CATSPER3: variants seen among roughly 807,000 people sequenced by gnomAD.
The protein encoded by CATSPER3 is cation channel sperm-associated protein 3.
A neutral mutation model predicts 36.6 loss-of-function variants in CATSPER3; 23 were observed. The observed-to-expected ratio is 0.63, with a 90% CI of 0.45 to 0.89. The LOEUF is 0.89. Among genes scored for constraint, CATSPER3 ranks in the 40% least tolerant of loss-of-function variants. The pLI is 0.00. For missense variants in CATSPER3, 474 were observed against 503.9 expected (o/e 0.94, Z 0.57); for synonymous variants, 172 against 184.1 (o/e 0.93, Z 0.53).
At position 135,008,845 on chromosome 5, in the gene CATSPER3, ATGGC is replaced by A. The variant is rs746396647; in HGVS notation, c.684_687del (p.Trp229GlnfsTer14). The A allele has an allele frequency of 5.6e-6, 9 of 1,614,002 alleles. No homozygotes were observed. In the Admixed American group the frequency reaches 8.3e-5, roughly 15 times the overall value. On this transcript the variant is annotated frameshift_variant, in exon 5 of 8. Coordinates refer to ENST00000282611, the MANE Select transcript of CATSPER3 (RefSeq NM_178019.3). LOFTEE classifies it high-confidence loss of function. ...TACTCTTCCCTGCCTGAGCAGGTTG[ATGGC>A]TGGACAGACCTGCAGAAGCAGTTGG...
chr5:134,990,987 AT>A (rs1285291507), intron 2 of CATSPER3, among the ~76,000 whole-genome samples: 2 of 152,232 alleles, frequency 1.3e-5, no homozygotes, highest in Non-Finnish European at 2.9e-5. Flanking sequence ...AATCAATTGT[AT>A]TTCTATGCAC....
At chr5:135,004,155 A>T (rs1206230131) in intron 3 of CATSPER3, among the ~76,000 whole-genome samples, 1 of 152,152 alleles carries the variant, frequency 6.6e-6, no homozygotes. Flanking sequence ...CCAAGTCATA[A>T]ATTTGACTGT....
At chr5:134,970,864 G>A (rs953932933) in intron 2 of CATSPER3, among the ~76,000 whole-genome samples, 7 of 152,086 alleles carry the variant, frequency 4.6e-5, no homozygotes, top group Non-Finnish European at 5.9e-5. Flanking sequence ...GAGCCATCGC[G>A]CCTGGCCAGT....
chr5:134,998,607 C>T (rs1396730313), intron 3 of CATSPER3, among the ~76,000 whole-genome samples: 2 of 152,168 alleles, frequency 1.3e-5, no homozygotes, highest in African/African-American at 4.8e-5. Context: ...TTAATAATCG[C>T]CATTCTAACT....
chr5:134,997,729 C>G (rs150217998), intron 3 of CATSPER3, among the ~76,000 whole-genome samples: 63 of 152,298 alleles, frequency 4.1e-4, no homozygotes, highest in African/African-American at 1.4e-3. Context: ...CACATTCTCT[C>G]TGGGTGATCT....
At chr5:134,968,702 AAAAG>A (rs1328318092) in intron 1 of CATSPER3, 5 of 152,122 alleles carry the variant, frequency 3.3e-5, no homozygotes, top group Middle Eastern at 3.4e-3. Flanking sequence ...GAAAAAAAAA[AAAAG>A]AAAAGGAAAA....
At chr5:134,999,636 G>A (rs934848762) in intron 3 of CATSPER3, among the ~76,000 whole-genome samples, 17 of 152,192 alleles carry the variant, frequency 1.1e-4, no homozygotes, top group East Asian at 3.8e-4. Context: ...TCCCTTGTAA[G>A]TTGGATTTCT....
At chr5:134,997,912 C>CT (rs1561462741) in intron 3 of CATSPER3, among the ~76,000 whole-genome samples, 3 of 152,128 alleles carry the variant, frequency 2.0e-5, no homozygotes, top group African/African-American at 4.8e-5. Flanking sequence ...TCCAGTATTT[C>CT]TTTTTTTTGT....
chr5:134,991,255 A>G (rs1054859503), intron 2 of CATSPER3, among the ~76,000 whole-genome samples: 1 of 152,230 alleles, frequency 6.6e-6, no homozygotes, highest in African/African-American at 2.4e-5. Context: ...CAAAATTCCA[A>G]TAGTGTTTTT....
At chr5:135,007,210 A>C (rs934802806) in intron 3 of CATSPER3, among the ~76,000 whole-genome samples, 2 of 152,210 alleles carry the variant, frequency 1.3e-5, no homozygotes, top group African/African-American at 4.8e-5. Context: ...ACCCTGGCCA[A>C]GACAATTTGC....
chr5:135,011,611 G>A lies in CATSPER3; in HGVS notation c.1185G>A (p.Val395=), dbSNP rs1752181106. ...AGAAGCCCCAGTCCTTGGAAAAGGT[G>A]GATGAGAAGTAGCTGGGCATGGGGC... The part of the protein sequence containing the change: ...PQEKPQSLEK[V]DEK Residue 395 remains valine, a synonymous_variant, in exon 8 of 8, where the codon GTG becomes GTA. Transcript: ENST00000282611. 2 of 1,613,186 alleles carry A rather than the reference G, an allele frequency of 1.2e-6. No individual in the cohort carries two copies. Among genetic ancestry groups the A allele is most frequent in the Admixed American group, 1.7e-5 (1 of 59,982 alleles).
chr5:135,010,346 GCT>G (rs1202878840), intron 6 of CATSPER3, 25 bp from the exon 7 acceptor site: 1 of 1,609,418 alleles, frequency 6.2e-7, no homozygotes, highest in Non-Finnish European at 8.5e-7. Flanking sequence ...CCTCATCACT[GCT>G]CTCTCGTTAT....
intron 2 of CATSPER3, among the ~76,000 whole-genome samples, chr5:134,973,379 A>G (rs1034200193): frequency 6.6e-6 from 1 of 152,218 alleles, no homozygotes; most frequent in African/African-American, 2.4e-5. Context: ...TGGCAACAGT[A>G]TTAGTAGTGT....
At chr5:134,974,710 G>T (rs1459485416) in intron 2 of CATSPER3, among the ~76,000 whole-genome samples, 1 of 152,216 alleles carries the variant, frequency 6.6e-6, no homozygotes, top group Non-Finnish European at 1.5e-5. Context: ...ATCAGAGGCA[G>T]TCGAGGTGGT....
chr5:135,006,393 T>C (rs559287370), intron 3 of CATSPER3, among the ~76,000 whole-genome samples: 1 of 152,312 alleles, frequency 6.6e-6, no homozygotes, highest in South Asian at 2.1e-4. Context: ...GGCTTTGGAT[T>C]CTACCACCCA....
chr5:134,977,023 C>G (rs1580903260), intron 2 of CATSPER3, among the ~76,000 whole-genome samples: 1 of 152,340 alleles, frequency 6.6e-6, no homozygotes, highest in South Asian at 2.1e-4. Context: ...CTCTTAGGCC[C>G]CTGGGCCTGT....
At chr5:134,994,264 C>G (rs941607255) in intron 2 of CATSPER3, among the ~76,000 whole-genome samples, 2 of 152,140 alleles carry the variant, frequency 1.3e-5, no homozygotes, top group African/African-American at 4.8e-5. Flanking sequence ...AAAGACAAAA[C>G]AATCCAGCAG....
Position 134,996,381 on chromosome 5 carries a change from A to G in CATSPER3, c.361A>G (p.Ile121Val), listed in dbSNP as rs376472509. Residue 121 changes from isoleucine (I) to valine (V), a missense_variant, in exon 3 of 8, where the codon ATT (isoleucine) becomes GTT (valine). By Grantham distance (29) the Ile-to-Val change is conservative (BLOSUM62 3). Transcript: ENST00000282611. ...KNGYNLLDVI[I>V]IIVMFLPYAL... ...CGGCTACAACCTGCTGGATGTGATC[A>G]TTATCATCGTTATGTTTTTACCCTA... 2 of 1,614,122 alleles carry G rather than the reference A, an allele frequency of 1.2e-6. No homozygotes were observed. The highest frequency in any genetic ancestry group is 8.5e-7 in the Non-Finnish European group (1 of 1,180,040).
intron 3 of CATSPER3, among the ~76,000 whole-genome samples, chr5:135,003,066 C>T (rs979723964): frequency 9.9e-5 from 15 of 152,192 alleles, no homozygotes; most frequent in Non-Finnish European, 2.2e-4. Flanking sequence ...GCTCTGGTTT[C>T]TCCCCATCTT....
Sources: gnomAD v4.1 joint callset for allele counts (sites outside exome capture counted in the v4.1 genomes callset) on GRCh38, gnomAD v4.1.1 for gene constraint, MANE v1.5 for transcripts, NCBI Gene and HGNC (gene_info 2026-07-23, HGNC 2026-07-21) for gene names.